The following SLC7A10 variants were observed in gnomAD, a reference collection of about 807,000 sequenced individuals.
SLC7A10 encodes solute carrier family 7 member 10.
Under a neutral mutation model 52.7 loss-of-function variants are expected in SLC7A10, and 30 were observed. The observed-to-expected ratio is 0.57, with a 90% CI of 0.43 to 0.77. The LOEUF (loss-of-function observed/expected upper bound fraction) is 0.77, where lower values mean the gene tolerates loss of function less well. Ranked by LOEUF, SLC7A10 falls within the 30% of genes least tolerant of loss-of-function variation. SLC7A10 has a pLI of 0.00. For missense variants in SLC7A10, 581 were observed against 698.5 expected (o/e 0.83, Z 1.90); for synonymous variants, 318 against 314.9 (o/e 1.01, Z -0.10).
At chr19:33,211,161 T>C in intron 7 of SLC7A10, 64 bp downstream of exon 7, 1 of 1,493,392 alleles carries the variant, frequency 6.7e-7, no homozygotes, top group South Asian at 1.1e-5. Context: ...GCCCACGGCA[T>C]GACTGGTGCA....
intron 1 of SLC7A10, chr19:33,217,975 G>A (rs1163553863): frequency 6.6e-6 from 1 of 152,252 alleles, no homozygotes; most frequent in Non-Finnish European, 1.5e-5. Flanking sequence ...GGCCTGGGTG[G>A]GCTGTAAGGT....
intron 2 of SLC7A10, among the ~76,000 whole-genome samples, chr19:33,215,422 TC>T (rs990105585): frequency 6.6e-6 from 1 of 151,786 alleles, no homozygotes; most frequent in African/African-American, 2.4e-5. Context: ...ACAGTAAGAA[TC>T]CCCCCTCCTT....
chr19:33,218,193 G>A (rs1166016937), intron 1 of SLC7A10, among the ~76,000 whole-genome samples: 3 of 152,044 alleles, frequency 2.0e-5, no homozygotes, highest in African/African-American at 7.2e-5. Context: ...TGCTTGGTGG[G>A]GCCTCCTGGG....
At chr19:33,209,915 G>C (rs1446261608) in intron 9 of SLC7A10, among the ~76,000 whole-genome samples, 1 of 151,578 alleles carries the variant, frequency 6.6e-6, no homozygotes, top group Non-Finnish European at 1.5e-5. Flanking sequence ...TTGTGACCTT[G>C]AACAGTTCCT....
chr19:33,215,211 T>C (rs1441757823), intron 2 of SLC7A10, among the ~76,000 whole-genome samples: 1 of 145,874 alleles, frequency 6.9e-6, no homozygotes, highest in African/African-American at 2.6e-5. Flanking sequence ...GAGGTTGCAG[T>C]GAGCTGAGAT....
chr19:33,211,144 T>A (rs1474064927), intron 7 of SLC7A10, 81 bp downstream of exon 7: 1 of 1,381,024 alleles, frequency 7.2e-7, no homozygotes, highest in South Asian at 1.2e-5. Context: ...AGGTGTCCCT[T>A]CCTCTGGCCC....
Position 33,208,842 on chromosome 19 carries a change from A to C in SLC7A10, c.*49T>G, listed in dbSNP as rs1331632183. 6.2e-7 allele frequency: 1 copy of C among 1,613,390 alleles called. No homozygotes were observed. Among genetic ancestry groups the C allele is most frequent in the Non-Finnish European group, 8.5e-7 (1 of 1,179,768 alleles). On this transcript the variant is annotated 3_prime_UTR_variant, in exon 11 of 11. Coordinates refer to ENST00000253188, the MANE Select transcript of SLC7A10 (RefSeq NM_019849.3). This position sits in a 1 kb window ranked among gnomAD's most constrained non-coding sequence, Gnocchi z 4.7. ...AACTTTTTTGCCAAAACACCTCCTCAATAAACAACATGTAAACAGAAACAA... is the reference window on the plus strand; with the variant it reads ...AACTTTTTTGCCAAAACACCTCCTCCATAAACAACATGTAAACAGAAACAA...
intron 7 of SLC7A10, 69 bp downstream of exon 7, chr19:33,211,156 C>G: frequency 1.4e-6 from 2 of 1,467,760 alleles, no homozygotes; most frequent in Non-Finnish European, 1.9e-6. Flanking sequence ...CTCTGGCCCA[C>G]GGCATGACTG....
chr19:33,223,487 C>T (rs1456532749), intron 1 of SLC7A10, among the ~76,000 whole-genome samples: 7 of 146,602 alleles, frequency 4.8e-5, no homozygotes, highest in African/African-American at 1.7e-4. Flanking sequence ...GTGGGGTGGG[C>T]TGGGGAGGGG....
intron 1 of SLC7A10, among the ~76,000 whole-genome samples, chr19:33,218,696 T>TCTTTCTTTCTTTCTTTCTC (rs1599956014): frequency 1.4e-5 from 1 of 73,862 alleles, no homozygotes; most frequent in Non-Finnish European, 4.4e-5. Context: ...TTTTTTTTTT[T>TCTTTCTTTCTTTCTTTCTC]TAGTAGAGAT....
At chr19:33,222,687 G>A (rs935405455) in intron 1 of SLC7A10, among the ~76,000 whole-genome samples, 2 of 152,136 alleles carry the variant, frequency 1.3e-5, no homozygotes, top group Admixed American at 6.6e-5. Flanking sequence ...GCAGTAAGAG[G>A]TGTTTTTCTG....
intron 1 of SLC7A10, among the ~76,000 whole-genome samples, chr19:33,219,416 C>T (rs1433165020): frequency 6.6e-6 from 1 of 152,180 alleles, no homozygotes; most frequent in Non-Finnish European, 1.5e-5. Context: ...CCACGGAGGT[C>T]GAGTCGCAGA....
chr19:33,210,479 G>T lies in SLC7A10; in HGVS notation c.1251C>A (p.His417Gln). 6.3e-7 allele frequency: 1 copy of T among 1,597,998 alleles called. No homozygotes were observed. Among genetic ancestry groups the T allele is most frequent in the African/African-American group, 1.3e-5 (1 of 74,850 alleles). Residue 417 changes from histidine to glutamine, a missense_variant, in exon 9 of 11, where the codon CAC (histidine) becomes CAA (glutamine). Physicochemically the swap from His to Gln is conservative, Grantham distance 24. Transcript: ENST00000253188. The surrounding 1 kb of genome is among the most constrained non-coding windows in gnomAD (Gnocchi z 5.6). ...CCCAGGGCCTCACCTTGATGGGCCT[G>T]TGGAGTGCAGGCCGCCTCCAGCGCA... ...LLLRWRRPAL[H>Q]RPIKVNLLIP...
chr19:33,209,549 C>G, intron 9 of SLC7A10, 64 bp from the exon 10 acceptor site: 1 of 1,533,922 alleles, frequency 6.5e-7, no homozygotes, highest in Non-Finnish European at 8.9e-7. Flanking sequence ...CCCCCGACCC[C>G]TGGGGGTCTG....
At chr19:33,211,830 C>A in intron 5 of SLC7A10, 1 of 514,400 alleles carries the variant, frequency 1.9e-6, no homozygotes. Flanking sequence ...CCAAAATCAG[C>A]CTGGAAAATT....
chr19:33,217,478 G>A (rs1359182919), intron 1 of SLC7A10, among the ~76,000 whole-genome samples: 2 of 150,994 alleles, frequency 1.3e-5, no homozygotes, highest in East Asian at 3.9e-4. Context: ...CATGAATCCG[G>A]TAACTTCACC....
In SLC7A10 at chr19:33,215,943, G is replaced by A. The variant is rs865959657; in HGVS notation, c.182C>T (p.Ser61Leu). ...GNIIGSGIFISPKGVLEHSGS... is the reference protein window; with the variant it reads ...GNIIGSGIFILPKGVLEHSGS... Reference sequence around the variant, plus strand: ...TGAGTGCTCCAGGACCCCCTTGGGCGAGATGAAGATGCCCGAGCCGATGAT... The same window carrying A: ...TGAGTGCTCCAGGACCCCCTTGGGCAAGATGAAGATGCCCGAGCCGATGAT... The change falls in exon 2 of 11, where the codon TCG (serine) becomes TTG (leucine). Residue 61 changes from serine to leucine, a missense_variant. Coordinates refer to ENST00000253188, the MANE Select transcript of SLC7A10 (RefSeq NM_019849.3). The A allele has an allele frequency of 6.3e-7, 1 of 1,592,412 alleles. No individual in the cohort carries two copies.
At chr19:33,214,073 C>T (rs1974617193) in intron 2 of SLC7A10, among the ~76,000 whole-genome samples, 1 of 152,164 alleles carries the variant, frequency 6.6e-6, no homozygotes, top group African/African-American at 2.4e-5. Flanking sequence ...CCCCTCTGCC[C>T]ATCCCCGCAT....
chr19:33,214,903 C>T (rs1050195876), intron 2 of SLC7A10, among the ~76,000 whole-genome samples: 4 of 152,198 alleles, frequency 2.6e-5, no homozygotes, highest in Non-Finnish European at 5.9e-5. Flanking sequence ...CCTCCCCACC[C>T]CCAGGCTCAC....
Sources: gnomAD v4.1 joint callset for allele counts (sites outside exome capture counted in the v4.1 genomes callset) on GRCh38, gnomAD v4.1.1 for gene constraint, Gnocchi (gnomAD v3.1) non-coding constraint, MANE v1.5 for transcripts, NCBI Gene and HGNC (gene_info 2026-07-23, HGNC 2026-07-21) for gene names.